RAP2C: variants seen among roughly 807,000 people sequenced by gnomAD.
RAP2C encodes the protein RAP2C, member of RAS oncogene family.
In RAP2C, 3 loss-of-function variants were observed where a neutral mutation model predicts 8.9. That is an observed-to-expected ratio of 0.34 (90% CI 0.15 to 0.87). The LOEUF is 0.87. Ranked by LOEUF, RAP2C falls within the 40% of genes least tolerant of loss-of-function variation. The probability of loss-of-function intolerance (pLI) is 0.51; values close to 1 mark genes in which losing one functional copy is unlikely to be tolerated. For synonymous variants in RAP2C, 60 were observed against 52.1 expected (o/e 1.15, Z -0.65); for missense variants, 76 against 133.7 (o/e 0.57, Z 2.13).
At position 132,214,404 on chromosome X, in the gene RAP2C, A is replaced by G. The variant is rs1930514563; in HGVS notation, c.316T>C (p.Tyr106His). Residue 106 changes from tyrosine to histidine, a missense_variant, in exon 5 of 6, where the codon TAT (tyrosine) becomes CAT (histidine). Physicochemically the swap from Tyr to His is moderately conservative, Grantham distance 83. Transcript: ENST00000370874. The stretch of plus-strand genomic sequence containing the variant: ...ACTAGGATTAGTGGGACTTTTTCAT[A>G]TCTCTTCACTCTGACAATTTGATCT... ...MRDQIVRVKR[Y>H]EKVPLILVGN... is the part of the protein sequence containing the mutation. 1 of 1,211,242 alleles carries G rather than the reference A, an allele frequency of 8.3e-7. No homozygotes were observed. Among genetic ancestry groups the G allele is most frequent in the Admixed American group, 2.2e-5 (1 of 46,017 alleles).
chrX:132,207,669 A>T (rs1930310064), intron 5 of RAP2C, among the ~76,000 whole-genome samples: 1 of 112,309 alleles, frequency 8.9e-6, no homozygotes, highest in South Asian at 3.6e-4. Context: ...AGTCTCTTTC[A>T]GGTTAGAATT....
intron 5 of RAP2C, among the ~76,000 whole-genome samples, chrX:132,208,949 G>A (rs1384535350): frequency 7.1e-5 from 8 of 112,220 alleles, no homozygotes; most frequent in South Asian, 7.3e-4. Context: ...TGACAGGTAT[G>A]AGCCACTGCA....
chrX:132,209,237 G>A (rs915496706), intron 5 of RAP2C, among the ~76,000 whole-genome samples: 3 of 111,485 alleles, frequency 2.7e-5, no homozygotes, highest in African/African-American at 9.8e-5. Context: ...GATGGGATTA[G>A]CTATATTTCT....
At chrX:132,216,475 G>A (rs1930585492) in intron 4 of RAP2C, among the ~76,000 whole-genome samples, 1 of 94,680 alleles carries the variant, frequency 1.1e-5, no homozygotes, top group Non-Finnish European at 2.0e-5. Flanking sequence ...TCTTCGTCTT[G>A]CAACACTAAG....
Position 132,216,991 on chromosome X carries a change from G to T in RAP2C, c.273+5C>A. ...CTAACAAATTACAAGACTTGGTTTG[G>T]TTACCTGAAAAGACTGTTGATTAAC... On this transcript the variant is annotated splice_donor_5th_base_variant and intron_variant, in intron 4 of 5. Transcript: ENST00000370874. The T allele has an allele frequency of 8.9e-7, 1 of 1,118,042 alleles. No individual in the cohort carries two copies. The allele number at this position is 1,118,042 out of a possible 1,213,427, so 92.1% of individuals were successfully genotyped here. A position where few individuals can be genotyped will look rare whatever the true frequency, so the allele number is the denominator to read the frequency against.
Position 132,204,017 on chromosome X carries a change from T to C in RAP2C, c.*1605A>G, listed in dbSNP as rs1930199826. 2.7e-5 allele frequency: 3 copies of C among 112,657 alleles called. No homozygotes were observed. The South Asian group carries it at 1.1e-3, about 41-fold the overall frequency. The allele number at this position is 112,657 out of a possible 1,213,427, so 9.3% of individuals were successfully genotyped here. A position where few individuals can be genotyped will look rare whatever the true frequency, so the allele number is the denominator to read the frequency against. The stretch of plus-strand genomic sequence containing the variant: ...TTGAACATCACACACAATATAAATT[T>C]AAAATTGCCACACCCTTTCATAAAC... On this transcript the variant is annotated 3_prime_UTR_variant, in exon 6 of 6. Transcript: ENST00000370874.
chrX:132,216,894 A>G, intron 4 of RAP2C, 102 bp downstream of exon 4: 1 of 853,222 alleles, frequency 1.2e-6, no homozygotes, highest in Non-Finnish European at 1.5e-6. Flanking sequence ...TCTAACTTTC[A>G]AAAGCAAAGC....
intron 5 of RAP2C, among the ~76,000 whole-genome samples, chrX:132,206,725 T>C (rs1031110769): frequency 8.9e-6 from 1 of 112,092 alleles, no homozygotes; most frequent in African/African-American, 3.2e-5. Flanking sequence ...AGCAGCTATA[T>C]CATAAAAATG....
rs183441424 is a variant in RAP2C at position 132,208,578 on chromosome X, A to T, written c.*35-2991T>A. On this transcript the variant is annotated intron_variant, in intron 5 of 5. Coordinates refer to ENST00000370874, the MANE Select transcript of RAP2C (RefSeq NM_001271186.2). ...TCATCAAAAGTGCTATTTTAATAAA[A>T]CATTAAATTATTTTAGTAATAATTT... Among the ~76,000 whole-genome samples, 43 of 110,455 alleles carry T rather than the reference A, an allele frequency of 3.9e-4. No individual in the cohort carries two copies. The East Asian group carries it at 0.011, about 29-fold the overall frequency.
At position 132,203,583 on chromosome X, in the gene RAP2C, G is replaced by A. The variant is rs183647474; in HGVS notation, c.*2039C>T. 9.9e-6 allele frequency: 1 copy of A among 100,728 alleles called. No homozygotes were observed. The highest frequency in any genetic ancestry group is 3.2e-4 in the East Asian group (1 of 3,160). The allele number at this position is 100,728 out of a possible 1,213,427, so 8.3% of individuals were successfully genotyped here. On this transcript the variant is annotated 3_prime_UTR_variant, in exon 6 of 6. Coordinates refer to ENST00000370874, the MANE Select transcript of RAP2C (RefSeq NM_001271186.2). ...AGAGAAACAAGAACACAATCTACAGGAAAGAAACATTATAAAAAAATCAAA... is the reference window on the plus strand; with the variant it reads ...AGAGAAACAAGAACACAATCTACAGAAAAGAAACATTATAAAAAAATCAAA...
At chrX:132,211,788 A>G (rs1930436028) in intron 5 of RAP2C, among the ~76,000 whole-genome samples, 1 of 112,133 alleles carries the variant, frequency 8.9e-6, no homozygotes. Flanking sequence ...TATTATTTCT[A>G]ACTTGGACAA....
intron 5 of RAP2C, among the ~76,000 whole-genome samples, chrX:132,206,436 A>G (rs143996791): frequency 3.4e-4 from 38 of 112,234 alleles, no homozygotes; most frequent in African/African-American, 1.2e-3. Context: ...CTAGGGAAAA[A>G]AAATCTATCG....
chrX:132,218,097 AC>A (rs1279779695), intron 2 of RAP2C, 85 bp from the exon 3 acceptor site: 1 of 21,303 alleles, frequency 4.7e-5, no homozygotes, highest in Non-Finnish European at 8.8e-5. Context: ...TTTCTCACCC[AC>A]CCCCCACCCC....
chrX:132,213,069 T>C (rs1177023870), intron 5 of RAP2C, among the ~76,000 whole-genome samples: 1 of 111,474 alleles, frequency 9.0e-6, no homozygotes, highest in Non-Finnish European at 1.9e-5. Context: ...GACCCTTGAT[T>C]AGGAATCATT....
intron 4 of RAP2C, 135 bp from the exon 5 acceptor site, chrX:132,214,581 C>G: frequency 1.1e-5 from 12 of 1,075,815 alleles, no homozygotes; most frequent in Non-Finnish European, 1.4e-5. Context: ...CACACCTAAA[C>G]AGAGAAATCG....
rs58119368 is a variant in RAP2C, at chrX:132,204,980, C to CAAAAAAAAAA, written c.*632_*641dup. The CAAAAAAAAAA allele has an allele frequency of 2.3e-4, 12 of 51,645 alleles. No individual in the cohort carries two copies. The highest frequency in any genetic ancestry group is 3.5e-4 in the African/African-American group (5 of 14,146). 4.3% of individuals were successfully genotyped at this position (51,645 alleles called of 1,213,427 possible). A position where few individuals can be genotyped will look rare whatever the true frequency, so the allele number is the denominator to read the frequency against. On this transcript the variant is annotated 3_prime_UTR_variant, in exon 6 of 6. Transcript: ENST00000370874. The stretch of plus-strand genomic sequence containing the variant: ...TGTAACCTTCAGAACATGTTAATTA[C>CAAAAAAAAAA]AAAAAAAAAAAAAAAAAAACAAAAC...
chrX:132,214,235 C>T lies in RAP2C; in HGVS notation c.485G>A (p.Arg162Lys). ...MVDELFAEIVRQMNYSSLPEK... is the reference protein window; with the variant it reads ...MVDELFAEIVKQMNYSSLPEK... ...CGGCAGGGATGAATAGTTCATTTGCCTGACGATCTCAGCAAAAAGTTCATC... is the reference window on the plus strand; with the variant it reads ...CGGCAGGGATGAATAGTTCATTTGCTTGACGATCTCAGCAAAAAGTTCATC... The change falls in exon 5 of 6, where the codon AGG (arginine) becomes AAG (lysine). Residue 162 changes from arginine to lysine, a missense_variant. Arg to Lys is a conservative substitution (Grantham distance 26). Coordinates refer to ENST00000370874, the MANE Select transcript of RAP2C (RefSeq NM_001271186.2). 1 of 1,211,734 alleles carries T rather than the reference C, an allele frequency of 8.3e-7. No individual in the cohort carries two copies. Among genetic ancestry groups the T allele is most frequent in the South Asian group, 1.8e-5 (1 of 57,003 alleles).
chrX:132,204,038 T>TAA lies in RAP2C; in HGVS notation c.*1582_*1583dup, dbSNP rs975085333. 1.8e-5 allele frequency: 2 copies of TAA among 112,703 alleles called. No homozygotes were observed. The highest frequency in any genetic ancestry group is 6.5e-5 in the African/African-American group (2 of 30,963). The allele number at this position is 112,703 out of a possible 1,213,427, so 9.3% of individuals were successfully genotyped here. A position where few individuals can be genotyped will look rare whatever the true frequency, so the allele number is the denominator to read the frequency against. ...AATTTAAAATTGCCACACCCTTTCA[T>TAA]AAACCATCACTGCATATATTAGAGC... On this transcript the variant is annotated 3_prime_UTR_variant, in exon 6 of 6. Coordinates refer to ENST00000370874, the MANE Select transcript of RAP2C (RefSeq NM_001271186.2).
chrX:132,216,243 C>T (rs1930577224), intron 4 of RAP2C, among the ~76,000 whole-genome samples: 1 of 111,701 alleles, frequency 9.0e-6, no homozygotes, highest in Non-Finnish European at 1.9e-5. Flanking sequence ...GCCACCCAGC[C>T]GGAGTAAGAA....
Sources: gnomAD v4.1 joint callset for allele counts (sites outside exome capture counted in the v4.1 genomes callset) on GRCh38, gnomAD v4.1.1 for gene constraint, MANE v1.5 for transcripts, NCBI Gene and HGNC (gene_info 2026-07-23, HGNC 2026-07-21) for gene names.